PABPC4L: variants seen among roughly 807,000 people sequenced by gnomAD.
The protein encoded by PABPC4L is polyadenylate-binding protein 4-like.
For missense variants in PABPC4L, 452 were observed against 451.4 expected (o/e 1.00, Z -0.01); for synonymous variants, 169 against 164.1 (o/e 1.03, Z -0.23).
At chr4:133,986,131 T>C in the PABPC4L span, among the ~76,000 whole-genome samples, 1 of 152,158 alleles carries the variant, frequency 6.6e-6, no homozygotes, top group Admixed American at 6.5e-5. Context: ...ACAACACTTT[T>C]AAGTTTTATA....
chr4:134,112,263 A>G, the PABPC4L span, among the ~76,000 whole-genome samples: 1 of 151,994 alleles, frequency 6.6e-6, no homozygotes, highest in Non-Finnish European at 1.5e-5. Flanking sequence ...AAGTATGCAT[A>G]CATTCAAACT....
the PABPC4L span, among the ~76,000 whole-genome samples, chr4:134,058,903 A>G: frequency 6.6e-6 from 1 of 152,022 alleles, no homozygotes; most frequent in Non-Finnish European, 1.5e-5. Context: ...ATTAGTTTAG[A>G]GTGTTAACTG....
At chr4:133,988,406 C>T in the PABPC4L span, among the ~76,000 whole-genome samples, 1 of 152,166 alleles carries the variant, frequency 6.6e-6, no homozygotes, top group East Asian at 1.9e-4. Context: ...GTAAATACAT[C>T]CACTCCAAAT....
chr4:133,970,092 A>T, the PABPC4L span, among the ~76,000 whole-genome samples: 126 of 147,498 alleles, frequency 8.5e-4, no homozygotes, highest in African/African-American at 2.9e-3. Context: ...ATATTTAAAA[A>T]ATATATATTT....
At chr4:134,035,379 G>A in the PABPC4L span, among the ~76,000 whole-genome samples, 8 of 151,938 alleles carry the variant, frequency 5.3e-5, no homozygotes, top group Non-Finnish European at 8.8e-5. Context: ...AAATAGACAC[G>A]AAGTAATCCT....
chr4:134,069,393 A>G, the PABPC4L span, among the ~76,000 whole-genome samples: 2 of 152,202 alleles, frequency 1.3e-5, no homozygotes, highest in Non-Finnish European at 2.9e-5. Flanking sequence ...GGAAATTTTC[A>G]TGGACAATAT....
chr4:134,077,017 C>G, the PABPC4L span, among the ~76,000 whole-genome samples: 28 of 152,204 alleles, frequency 1.8e-4, no homozygotes, highest in Non-Finnish European at 3.1e-4. Context: ...CATATTATAG[C>G]TTACTGCATA....
Position 134,200,252 on chromosome 4 carries a change from A to G in PABPC4L, c.768T>C (p.Asn256=). The change falls in exon 2 of 2, where the codon AAT becomes AAC. Residue 256 remains asparagine, a synonymous_variant. Transcript: ENST00000421491. ...AVEEMNGRDI[N]GQLIFVGRAQ... is the part of the protein sequence containing the mutation. ...CCCGGCCTACAAAAATCAGCTGCCCATTTATGTCCCTTCCATTCATTTCTT... is the reference window on the plus strand; with the variant it reads ...CCCGGCCTACAAAAATCAGCTGCCCGTTTATGTCCCTTCCATTCATTTCTT... 1 of 1,555,054 alleles carries G rather than the reference A, an allele frequency of 6.4e-7. No individual in the cohort carries two copies. The highest frequency in any genetic ancestry group is 8.7e-7 in the Non-Finnish European group (1 of 1,148,726).
At chr4:134,184,508 C>A in the PABPC4L span, among the ~76,000 whole-genome samples, 1 of 152,138 alleles carries the variant, frequency 6.6e-6, no homozygotes. Context: ...ATAGCCATTT[C>A]AGATTGGCTT....
the PABPC4L span, among the ~76,000 whole-genome samples, chr4:134,032,313 A>G: frequency 2.0e-5 from 3 of 151,892 alleles, no homozygotes; most frequent in Admixed American, 6.6e-5. Context: ...TTTCTTTTCT[A>G]TATTTATCAA....
the PABPC4L span, among the ~76,000 whole-genome samples, chr4:134,089,345 G>A: frequency 2.0e-5 from 3 of 152,070 alleles, no homozygotes; most frequent in East Asian, 5.8e-4. Context: ...TCATTATTGA[G>A]ATCCTCCACC....
the PABPC4L span, among the ~76,000 whole-genome samples, chr4:134,182,385 AC>A: frequency 6.6e-6 from 1 of 152,026 alleles, no homozygotes; most frequent in African/African-American, 2.4e-5. Flanking sequence ...TGCTGGGATA[AC>A]TGTCTAGTCA....
the PABPC4L span, among the ~76,000 whole-genome samples, chr4:134,089,432 A>G: frequency 6.6e-6 from 1 of 152,026 alleles, no homozygotes; most frequent in Non-Finnish European, 1.5e-5. Flanking sequence ...TTACATTAGG[A>G]TTTACTATTA....
the PABPC4L span, among the ~76,000 whole-genome samples, chr4:134,067,927 G>C: frequency 1.3e-5 from 2 of 152,084 alleles, no homozygotes; most frequent in African/African-American, 4.8e-5. Flanking sequence ...AATTTGCTAA[G>C]AATTATTTTA....
the PABPC4L span, among the ~76,000 whole-genome samples, chr4:134,064,920 G>A: frequency 7.9e-5 from 12 of 151,906 alleles, no homozygotes; most frequent in African/African-American, 2.4e-4. Flanking sequence ...GCTGGAAAAC[G>A]ATATGATTTT....
chr4:134,197,328 A>G lies in PABPC4L; in HGVS notation c.*2579T>C, dbSNP rs1436255740. 1.3e-5 allele frequency: 2 copies of G among 151,794 alleles called. No homozygotes were observed. Among genetic ancestry groups the G allele is most frequent in the Non-Finnish European group, 3.0e-5 (2 of 67,692 alleles). The allele number at this position is 151,794 out of a possible 1,614,324, so 9.4% of individuals were successfully genotyped here. A position where few individuals can be genotyped will look rare whatever the true frequency, so the allele number is the denominator to read the frequency against. On this transcript the variant is annotated 3_prime_UTR_variant, in exon 2 of 2. Transcript: ENST00000421491. The stretch of plus-strand genomic sequence containing the variant: ...TTATATAAGATACTTTTTATGAACC[A>G]AAATTTTAGTTAGAAGCATTGAGAA...
At chr4:134,023,735 T>C in the PABPC4L span, among the ~76,000 whole-genome samples, 2 of 152,020 alleles carry the variant, frequency 1.3e-5, no homozygotes, top group African/African-American at 4.8e-5. Flanking sequence ...AAATACTGAA[T>C]AATGTATTGA....
the PABPC4L span, among the ~76,000 whole-genome samples, chr4:134,179,938 G>A: frequency 2.0e-5 from 3 of 151,878 alleles, no homozygotes; most frequent in African/African-American, 7.3e-5. Context: ...AATAACTGTG[G>A]GATACTTTAA....
chr4:134,159,617 C>T, the PABPC4L span, among the ~76,000 whole-genome samples: 2 of 152,166 alleles, frequency 1.3e-5, no homozygotes, highest in Non-Finnish European at 2.9e-5. Flanking sequence ...ATCCTCCACC[C>T]TAACTTGAGG....
Sources: gnomAD v4.1 joint callset for allele counts (sites outside exome capture counted in the v4.1 genomes callset) on GRCh38, gnomAD v4.1.1 for gene constraint, MANE v1.5 for transcripts, NCBI Gene and HGNC (gene_info 2026-07-23, HGNC 2026-07-21) for gene names.